Variants in ITPKB observed in about 807,000 individuals in gnomAD.
The protein encoded by ITPKB is IP3 3-kinase B.
Under a neutral mutation model 69.4 loss-of-function variants are expected in ITPKB, and 13 were observed. That is an observed-to-expected ratio of 0.19 (90% CI 0.12 to 0.30). The LOEUF is 0.30. Ranked by LOEUF, ITPKB falls within the 10% of genes least tolerant of loss-of-function variation. ITPKB has a pLI of 1.00. For missense variants in ITPKB, 1,240 were observed against 1,250.5 expected (o/e 0.99, Z 0.13); for synonymous variants, 584 against 513.7 (o/e 1.14, Z -1.85).
At chr1:226,719,002 C>T (rs1376265698) in intron 2 of ITPKB, among the ~76,000 whole-genome samples, 1 of 152,166 alleles carries the variant, frequency 6.6e-6, no homozygotes, top group Non-Finnish European at 1.5e-5. Flanking sequence ...GGGGCCGGCA[C>T]GATGGCTCGT....
intron 2 of ITPKB, among the ~76,000 whole-genome samples, chr1:226,724,139 T>C (rs539456690): frequency 4.1e-4 from 63 of 152,172 alleles, no homozygotes; most frequent in African/African-American, 1.5e-3. Flanking sequence ...ATCCTCATGT[T>C]AGAGATGAGG....
At chr1:226,699,524 T>C (rs1238765686) in intron 2 of ITPKB, among the ~76,000 whole-genome samples, 2 of 152,228 alleles carry the variant, frequency 1.3e-5, no homozygotes, top group South Asian at 4.1e-4. Context: ...ATCTGCAAAA[T>C]AGATATATTA....
chr1:226,670,173 C>T (rs1395223247), intron 2 of ITPKB, among the ~76,000 whole-genome samples: 2 of 61,212 alleles, frequency 3.3e-5, no homozygotes, highest in African/African-American at 1.2e-4. Context: ...CAAGCTCCGC[C>T]GCAAAAAAAA....
At chr1:226,667,980 C>A (rs1204479163) in intron 2 of ITPKB, among the ~76,000 whole-genome samples, 2 of 152,140 alleles carry the variant, frequency 1.3e-5, no homozygotes, top group East Asian at 3.8e-4. Context: ...AACAGCTTGG[C>A]TCAGCTCAGC....
rs200031424 is a variant in ITPKB, at chr1:226,642,093, C to T, written c.2279G>A (p.Arg760Gln). ...TYLEEELTKA[R>Q]KKPSLRKDMY... is the part of the protein sequence containing the mutation. ...GTCCTTCCGCAGGCTGGGCTTCTTC[C>T]GGGCCTTCGTGAGCTCCTCCTCCAG... Residue 760 changes from arginine (R) to glutamine (Q), a missense_variant, in exon 5 of 8, where the codon CGG becomes CAG. Physicochemically the swap from Arg to Gln is conservative, Grantham distance 43. Coordinates refer to ENST00000429204, the MANE Select transcript of ITPKB (RefSeq NM_002221.4). This position sits in a 1 kb window ranked among gnomAD's most constrained non-coding sequence, Gnocchi z 6.4. The T allele has an allele frequency of 2.0e-4, 328 of 1,614,076 alleles. 1 individual carries two copies. The highest frequency in any genetic ancestry group is 1.8e-4 in the South Asian group (16 of 91,088).
intron 2 of ITPKB, among the ~76,000 whole-genome samples, chr1:226,697,019 T>C (rs905390473): frequency 2.6e-5 from 4 of 152,238 alleles, no homozygotes; most frequent in Non-Finnish European, 5.9e-5. Flanking sequence ...TCCAGGCCTC[T>C]TGGGAACAAA....
At chr1:226,662,870 A>G (rs760543904) in intron 2 of ITPKB, among the ~76,000 whole-genome samples, 5 of 152,238 alleles carry the variant, frequency 3.3e-5, no homozygotes, top group Non-Finnish European at 7.3e-5. Flanking sequence ...GCTGCTTTCC[A>G]AAGAAGCATC....
At chr1:226,664,947 G>C (rs950950535) in intron 2 of ITPKB, among the ~76,000 whole-genome samples, 1 of 152,210 alleles carries the variant, frequency 6.6e-6, no homozygotes, top group African/African-American at 2.4e-5. Context: ...AGGATAGCCA[G>C]CCAGCAGAGG....
intron 2 of ITPKB, among the ~76,000 whole-genome samples, chr1:226,730,041 T>C (rs1657541551): frequency 6.6e-6 from 1 of 152,216 alleles, no homozygotes; most frequent in East Asian, 1.9e-4. Context: ...GGCTGCTGTC[T>C]TCACCAGAAA....
chr1:226,656,646 C>T (rs992248906), intron 2 of ITPKB: 1 of 152,272 alleles, frequency 6.6e-6, no homozygotes, highest in Admixed American at 6.5e-5. Flanking sequence ...TCCTCTCCCC[C>T]TCCATCAAGA....
At chr1:226,663,350 C>A (rs1332810388) in intron 2 of ITPKB, among the ~76,000 whole-genome samples, 1 of 152,122 alleles carries the variant, frequency 6.6e-6, no homozygotes, top group Non-Finnish European at 1.5e-5. Context: ...AGGTTTGTGT[C>A]CCAATCGGGG....
chr1:226,662,717 G>C (rs1286446355), intron 2 of ITPKB, among the ~76,000 whole-genome samples: 3 of 152,236 alleles, frequency 2.0e-5, no homozygotes, highest in Non-Finnish European at 4.4e-5. Context: ...GGGAGGACTT[G>C]AATACCACAT....
chr1:226,708,137 A>G (rs1656856105), intron 2 of ITPKB, among the ~76,000 whole-genome samples: 1 of 152,258 alleles, frequency 6.6e-6, no homozygotes, highest in Non-Finnish European at 1.5e-5. Flanking sequence ...TCAGATTGCA[A>G]TTATGTAAAA....
chr1:226,713,394 T>C (rs76547985), intron 2 of ITPKB, among the ~76,000 whole-genome samples: 3 of 152,216 alleles, frequency 2.0e-5, no homozygotes, highest in Non-Finnish European at 2.9e-5. Context: ...TGGCAAACAA[T>C]TGCTATTTTT....
At chr1:226,659,982 T>TGGA (rs1176022850) in intron 2 of ITPKB, among the ~76,000 whole-genome samples, 10 of 152,212 alleles carry the variant, frequency 6.6e-5, no homozygotes, top group African/African-American at 2.4e-4. Context: ...CTCACACTGC[T>TGGA]TTATGTTCAC....
rs1422508480 is a variant in ITPKB, at chr1:226,735,960, C to T, written c.1499G>A (p.Gly500Asp). Residue 500 changes from glycine to aspartate, a missense_variant, in exon 2 of 8, where the codon GGT (glycine) becomes GAT (aspartate). Transcript: ENST00000429204. ...AACCCTGGAGTTCCCAGGCTGCACA[C>T]CCACCCTGTCCCCAGGAGGGCACTG... ...EPQCPPGDRV[G>D]VQPGNSRVWQ... The T allele has an allele frequency of 6.2e-7, 1 of 1,614,028 alleles. No individual in the cohort carries two copies. Among genetic ancestry groups the T allele is most frequent in the Admixed American group, 1.7e-5 (1 of 60,026 alleles).
chr1:226,642,097 C>T lies in ITPKB; in HGVS notation c.2275G>A (p.Ala759Thr). ...TTCCGCAGGCTGGGCTTCTTCCGGG[C>T]CTTCGTGAGCTCCTCCTCCAGGTAG... Reference protein sequence around the residue: ...RTYLEEELTKARKKPSLRKDM... With the variant: ...RTYLEEELTKTRKKPSLRKDM... Residue 759 changes from alanine to threonine, a missense_variant, in exon 5 of 8, where the codon GCC (alanine) becomes ACC (threonine). Physicochemically the swap from Ala to Thr is moderately conservative, Grantham distance 58. Around this residue, in one of 2 missense-constraint regions of ITPKB, gnomAD observed 248 missense variants for 396.7 expected, o/e 0.63. Transcript: ENST00000429204. The surrounding 1 kb of genome is among the most constrained non-coding windows in gnomAD (Gnocchi z 6.4). The T allele has an allele frequency of 6.2e-7, 1 of 1,613,982 alleles. No homozygotes were observed. The highest frequency in any genetic ancestry group is 8.5e-7 in the Non-Finnish European group (1 of 1,179,992).
At chr1:226,666,069 G>C (rs1415188677) in intron 2 of ITPKB, among the ~76,000 whole-genome samples, 1 of 152,188 alleles carries the variant, frequency 6.6e-6, no homozygotes, top group Non-Finnish European at 1.5e-5. Flanking sequence ...TGAAAGAAAT[G>C]ACAGACATGA....
rs747940345 is a variant in ITPKB, at chr1:226,737,110, C to T, written c.349G>A (p.Gly117Ser). ...TCCGGCCCTGGCGGGGAGAGGGTACCGGCTGCCACCACCTGCTGCCGGTCC... is the reference window on the plus strand; with the variant it reads ...TCCGGCCCTGGCGGGGAGAGGGTACTGGCTGCCACCACCTGCTGCCGGTCC... Reference protein sequence around the residue: ...RGDRQQVVAAGTLSPPGPEEA... With the variant: ...RGDRQQVVAASTLSPPGPEEA... The change falls in exon 2 of 8, where the codon GGT becomes AGT. Residue 117 changes from glycine to serine, a missense_variant. By Grantham distance (56) the Gly-to-Ser change is moderately conservative. Coordinates refer to ENST00000429204, the MANE Select transcript of ITPKB (RefSeq NM_002221.4). 2 of 1,605,552 alleles carry T rather than the reference C, an allele frequency of 1.2e-6. No individual in the cohort carries two copies. The highest frequency in any genetic ancestry group is 1.3e-5 in the African/African-American group (1 of 75,056).
Sources: gnomAD v4.1 joint callset for allele counts (sites outside exome capture counted in the v4.1 genomes callset) on GRCh38, gnomAD v4.1.1 for gene constraint, gnomAD v4.1.1 regional missense constraint, Gnocchi (gnomAD v3.1) non-coding constraint, MANE v1.5 for transcripts, NCBI Gene and HGNC (gene_info 2026-07-23, HGNC 2026-07-21) for gene names.